The following MYRIP variants were observed in gnomAD, a reference collection of about 807,000 sequenced individuals.
The protein encoded by MYRIP is rab effector MyRIP.
MYRIP carries 49 observed loss-of-function variants against 98.0 expected under a neutral mutation model. The ratio of observed to expected loss-of-function variants is 0.50; its 90% CI spans 0.40 to 0.63. MYRIP has a LOEUF of 0.63. Among genes scored for constraint, MYRIP ranks in the 30% least tolerant of loss-of-function variants. The pLI, the probability that MYRIP is intolerant of heterozygous loss-of-function variation, is 0.00. For synonymous variants in MYRIP, 404 were observed against 409.5 expected (o/e 0.99, Z 0.16); for missense variants, 1,004 against 1,058.2 (o/e 0.95, Z 0.71).
At chr3:40,034,817 C>G (rs540592671) in intron 2 of MYRIP, among the ~76,000 whole-genome samples, 19 of 151,868 alleles carry the variant, frequency 1.3e-4, no homozygotes, top group Admixed American at 9.8e-4. Context: ...AGACTTGGAA[C>G]CAACCCAAAT....
chr3:39,828,274 C>T (rs1941332708), intron 1 of MYRIP, among the ~76,000 whole-genome samples: 1 of 151,918 alleles, frequency 6.6e-6, no homozygotes. Flanking sequence ...CTTCTCCATC[C>T]TTTTAAATTC....
rs992559016 is a variant in MYRIP at position 40,259,206 on chromosome 3, G to A, written c.*1040G>A. On this transcript the variant is annotated 3_prime_UTR_variant, in exon 17 of 17. Transcript: ENST00000302541. ...CAAACTGTGCATTTAATGGACACAA[G>A]AATTGACTCTAACTCCATGTCTGTG... The A allele has an allele frequency of 6.6e-6, 1 of 152,176 alleles. No homozygotes were observed. Among genetic ancestry groups the A allele is most frequent in the Admixed American group, 6.5e-5 (1 of 15,276 alleles). The allele number at this position is 152,176 out of a possible 1,614,324, so 9.4% of individuals were successfully genotyped here. A position where few individuals can be genotyped will look rare whatever the true frequency, so the allele number is the denominator to read the frequency against.
At chr3:40,047,187 A>G (rs1410806868) in intron 3 of MYRIP, among the ~76,000 whole-genome samples, 3 of 152,244 alleles carry the variant, frequency 2.0e-5, no homozygotes, top group African/African-American at 7.2e-5. Flanking sequence ...TATTGGAAAA[A>G]TAAGTTGTAA....
chr3:39,913,130 A>G (rs1944067139), intron 2 of MYRIP, among the ~76,000 whole-genome samples: 1 of 152,186 alleles, frequency 6.6e-6, no homozygotes, highest in Admixed American at 6.5e-5. Context: ...TCACTTGGGA[A>G]GACAGAAAAT....
chr3:40,115,655 CT>C (rs796266219), intron 3 of MYRIP, among the ~76,000 whole-genome samples: 37 of 152,262 alleles, frequency 2.4e-4, no homozygotes, highest in African/African-American at 7.9e-4. Flanking sequence ...AAGAACTGAG[CT>C]GAAATCAACC....
intron 3 of MYRIP, among the ~76,000 whole-genome samples, chr3:40,051,545 C>G (rs1426656854): frequency 1.3e-5 from 2 of 152,154 alleles, no homozygotes; most frequent in East Asian, 3.9e-4. Context: ...ATTTGTGTGA[C>G]TCACTTTTTT....
At chr3:40,019,450 T>G (rs190738289) in intron 2 of MYRIP, among the ~76,000 whole-genome samples, 26 of 152,270 alleles carry the variant, frequency 1.7e-4, no homozygotes, top group Middle Eastern at 3.4e-3. Flanking sequence ...CAGCGATGCT[T>G]CTGTAAACTG....
At position 40,250,351 on chromosome 3, in the gene MYRIP, G is replaced by A. The variant is rs776719558; in HGVS notation, c.2367+25G>A. 43 of 1,613,134 alleles carry A rather than the reference G, an allele frequency of 2.7e-5. No homozygotes were observed. The East Asian group carries it at 8.9e-4, about 33-fold the overall frequency. ...GGTGTGTTTGTCCCTTTCTCCCTCT[G>A]TTGGAATGTTACATGGCTTGGAAAA... On this transcript the variant is annotated intron_variant, in intron 14 of 16. Coordinates refer to ENST00000302541, the MANE Select transcript of MYRIP (RefSeq NM_015460.4).
intron 4 of MYRIP, among the ~76,000 whole-genome samples, chr3:40,160,253 G>A (rs926888097): frequency 1.2e-4 from 19 of 152,358 alleles, no homozygotes; most frequent in Middle Eastern, 3.4e-3. Flanking sequence ...GTACCCAGCT[G>A]TGTGAGGTGT....
chr3:39,955,211 G>C (rs1945125468), intron 2 of MYRIP, among the ~76,000 whole-genome samples: 1 of 152,070 alleles, frequency 6.6e-6, no homozygotes, highest in Non-Finnish European at 1.5e-5. Context: ...GCAACTCCAT[G>C]ACACCAATAA....
intron 3 of MYRIP, among the ~76,000 whole-genome samples, chr3:40,116,427 T>G (rs1027721591): frequency 5.9e-5 from 9 of 152,120 alleles, no homozygotes; most frequent in Non-Finnish European, 1.3e-4. Flanking sequence ...ATCCCCCTAC[T>G]GTAAGTAACT....
At chr3:40,007,577 A>G (rs1227863889) in intron 2 of MYRIP, among the ~76,000 whole-genome samples, 1 of 152,176 alleles carries the variant, frequency 6.6e-6, no homozygotes, top group Non-Finnish European at 1.5e-5. Flanking sequence ...CTTCTTTTGC[A>G]TATGCTGGCA....
intron 16 of MYRIP, among the ~76,000 whole-genome samples, 175 bp downstream of exon 16, chr3:40,252,174 G>T (rs1953397143): frequency 6.6e-6 from 1 of 152,110 alleles, no homozygotes; most frequent in African/African-American, 2.4e-5. Flanking sequence ...ACCAAGAGCA[G>T]AGTGCTTGGT....
intron 4 of MYRIP, among the ~76,000 whole-genome samples, chr3:40,161,263 T>C (rs1345086591): frequency 6.6e-6 from 1 of 152,108 alleles, no homozygotes; most frequent in Non-Finnish European, 1.5e-5. Flanking sequence ...ACACCAATGC[T>C]CCCACCTCCA....
chr3:39,941,438 A>T (rs6802528), intron 2 of MYRIP, among the ~76,000 whole-genome samples: 28,832 of 151,788 alleles, frequency 0.19, 3,990 homozygotes, highest in African/African-American at 0.39. Context: ...AGATTTGGAG[A>T]GGACAAACAT....
intron 3 of MYRIP, among the ~76,000 whole-genome samples, chr3:40,068,632 C>G (rs1271300764): frequency 6.6e-6 from 1 of 152,164 alleles, no homozygotes; most frequent in East Asian, 1.9e-4. Flanking sequence ...ATCAAGGATA[C>G]TACATTCAAG....
intron 1 of MYRIP, among the ~76,000 whole-genome samples, chr3:39,815,773 G>T (rs1222798739): frequency 6.6e-6 from 1 of 152,062 alleles, no homozygotes; most frequent in Non-Finnish European, 1.5e-5. Context: ...TCCCAGTCTG[G>T]TATGACTTTG....
At chr3:40,204,740 T>C (rs1951748212) in intron 10 of MYRIP, among the ~76,000 whole-genome samples, 1 of 152,184 alleles carries the variant, frequency 6.6e-6, no homozygotes, top group Admixed American at 6.5e-5. Context: ...GGGGAGCTTG[T>C]AGGGTCCTCA....
At chr3:40,041,073 A>G (rs1198119073) in intron 2 of MYRIP, among the ~76,000 whole-genome samples, 2 of 146,280 alleles carry the variant, frequency 1.4e-5, no homozygotes, top group Non-Finnish European at 3.0e-5. Flanking sequence ...TCTGAGTAAA[A>G]CAGGAATCCC....
Sources: allele counts gnomAD v4.1 joint callset (sites outside exome capture counted in the v4.1 genomes callset), GRCh38; gene constraint gnomAD v4.1.1; transcripts MANE v1.5; gene names NCBI Gene and HGNC (gene_info 2026-07-23, HGNC 2026-07-21).